PLEK: variants seen among roughly 807,000 people sequenced by gnomAD.
PLEK encodes the protein platelet 47 kDa protein.
PLEK carries 25 observed loss-of-function variants against 43.9 expected under a neutral mutation model. The ratio of observed to expected loss-of-function variants is 0.57; its 90% confidence interval spans 0.41 to 0.79. PLEK has a LOEUF of 0.79. Among genes scored for constraint, PLEK ranks in the 30% least tolerant of loss-of-function variants. The pLI is 0.00. For missense variants in PLEK, 396 were observed against 413.3 expected (o/e 0.96, Z 0.36); for synonymous variants, 152 against 144.4 (o/e 1.05, Z -0.38).
At position 68,395,714 on chromosome 2, in the gene PLEK, C is replaced by T. The variant is rs1185213028; in HGVS notation, c.951C>T (p.Ile317=). 1 of 1,614,006 alleles carries T rather than the reference C, an allele frequency of 6.2e-7. No individual in the cohort carries two copies. Among genetic ancestry groups the T allele is most frequent in the Non-Finnish European group, 8.5e-7 (1 of 1,179,906 alleles). The part of the protein sequence containing the change: ...RKSEEENLFE[I]ITADEVHYFL... ...GTGAGGAAGAGAACCTTTTTGAGAT[C>T]ATCACAGCAGATGAAGTGCACTATT... The change falls in exon 9 of 9, where the codon ATC becomes ATT. Residue 317 remains isoleucine (I), a synonymous_variant. Transcript: ENST00000234313.
intron 1 of PLEK, among the ~76,000 whole-genome samples, chr2:68,372,177 A>AT (rs57326035): frequency 0.51 from 75,312 of 148,312 alleles, 19,888 homozygotes; most frequent in East Asian, 0.76. Context: ...AGAGAAGTTC[A>AT]TTTTTTTTTT....
chr2:68,393,750 G>A (rs1451666152), intron 7 of PLEK, among the ~76,000 whole-genome samples: 1 of 152,158 alleles, frequency 6.6e-6, no homozygotes, highest in Admixed American at 6.5e-5. Flanking sequence ...CTTCCCCTGG[G>A]TGGTTATATT....
intron 3 of PLEK, among the ~76,000 whole-genome samples, 191 bp from the exon 4 acceptor site, chr2:68,382,351 T>G (rs1350652067): frequency 6.6e-6 from 1 of 152,160 alleles, no homozygotes; most frequent in Non-Finnish European, 1.5e-5. Flanking sequence ...GGCTACAGAG[T>G]TATGCAGATA....
chr2:68,382,630 A>C lies in PLEK; in HGVS notation c.469A>C (p.Thr157Pro). 6.3e-7 allele frequency: 1 copy of C among 1,576,802 alleles called. No homozygotes were observed. The highest frequency in any genetic ancestry group is 8.7e-7 in the Non-Finnish European group (1 of 1,146,296). Residue 157 changes from threonine (T) to proline (P), a missense_variant, in exon 4 of 9, where the codon ACA becomes CCA. By Grantham distance (38) the Thr-to-Pro change is conservative. Transcript: ENST00000234313. ...KDKKIFNHCF[T>P]GNCVIDWLVS... is the part of the protein sequence containing the mutation. ...CAAGAAGATTTTTAATCACTGCTTC[A>C]CAGGTAAAAGCACTTGCAGGCCTGA... is the stretch of plus-strand genomic sequence containing the variant.
At chr2:68,370,121 G>T (rs535598239) in intron 1 of PLEK, among the ~76,000 whole-genome samples, 101 of 152,348 alleles carry the variant, frequency 6.6e-4, no homozygotes, top group African/African-American at 2.2e-3. Context: ...GGGTGTGCAA[G>T]AATAGATAAT....
intron 4 of PLEK, among the ~76,000 whole-genome samples, chr2:68,385,479 C>T (rs1244749081): frequency 6.6e-6 from 1 of 152,188 alleles, no homozygotes; most frequent in Non-Finnish European, 1.5e-5. Flanking sequence ...CACATTATTT[C>T]CTATTTAAAA....
intron 1 of PLEK, among the ~76,000 whole-genome samples, chr2:68,367,062 T>C (rs1673289152): frequency 6.6e-6 from 1 of 152,196 alleles, no homozygotes; most frequent in Non-Finnish European, 1.5e-5. Flanking sequence ...TTTTAATTAG[T>C]GAGAGTAGTT....
At position 68,395,686 on chromosome 2, in the gene PLEK, A is replaced by G. The variant is rs1423590896; in HGVS notation, c.923A>G (p.Lys308Arg). Residue 308 changes from lysine to arginine, a missense_variant, in exon 9 of 9, where the codon AAG becomes AGG. Physicochemically the swap from Lys to Arg is conservative, Grantham distance 26. Coordinates refer to ENST00000234313, the MANE Select transcript of PLEK (RefSeq NM_002664.3). ...TSVESNSNGR[K>R]SEEENLFEII... ...TTGCCTTCTCTTTCCCCAGGCAGGA[A>G]GAGTGAGGAAGAGAACCTTTTTGAG... 2 of 1,613,990 alleles carry G rather than the reference A, an allele frequency of 1.2e-6. No individual in the cohort carries two copies. The highest frequency in any genetic ancestry group is 2.7e-5 in the African/African-American group (2 of 74,914).
At chr2:68,378,180 T>C (rs1673542283) in intron 1 of PLEK, among the ~76,000 whole-genome samples, 1 of 152,220 alleles carries the variant, frequency 6.6e-6, no homozygotes, top group African/African-American at 2.4e-5. Flanking sequence ...TGCTTTAAGA[T>C]GGAATTATTA....
intron 4 of PLEK, among the ~76,000 whole-genome samples, chr2:68,383,779 A>C (rs1036919689): frequency 6.6e-6 from 1 of 152,218 alleles, no homozygotes; most frequent in Admixed American, 6.5e-5. Context: ...ATCTAAGAGG[A>C]TGTGCCATCA....
chr2:68,371,011 C>T (rs990349726), intron 1 of PLEK, among the ~76,000 whole-genome samples: 3 of 152,032 alleles, frequency 2.0e-5, no homozygotes, highest in African/African-American at 7.2e-5. Flanking sequence ...TATTTTTTGG[C>T]TTTCAAGCAA....
At chr2:68,386,270 T>TGA (rs1181387829) in intron 4 of PLEK, among the ~76,000 whole-genome samples, 8 of 152,178 alleles carry the variant, frequency 5.3e-5, no homozygotes, top group Non-Finnish European at 8.8e-5. Flanking sequence ...GGTCATGTGT[T>TGA]TCTTCTTAAG....
In PLEK at chr2:68,396,167, C is replaced by G. The variant is rs1673960016; in HGVS notation, c.*351C>G. 5.1e-6 allele frequency: 1 copy of G among 197,918 alleles called. No homozygotes were observed. The highest frequency in any genetic ancestry group is 1.1e-5 in the Non-Finnish European group (1 of 94,982). The allele number at this position is 197,918 out of a possible 1,614,324, so 12.3% of individuals were successfully genotyped here. ...TAGCTTAAAAAAAAAAAAAATCTGC[C>G]CCATGATTCTAACACTCGCAGTAGT... On this transcript the variant is annotated 3_prime_UTR_variant, in exon 9 of 9. Coordinates refer to ENST00000234313, the MANE Select transcript of PLEK (RefSeq NM_002664.3).
Position 68,395,573 on chromosome 2 carries a change from T to C in PLEK, c.917-107T>C. The C allele has an allele frequency of 2.5e-6, 3 of 1,189,734 alleles. 1 individual carries two copies. The highest frequency in any genetic ancestry group is 2.5e-5 in the South Asian group (2 of 78,470). The allele number at this position is 1,189,734 out of a possible 1,614,324, so 73.7% of individuals were successfully genotyped here. Reference sequence around the variant, plus strand: ...ATGTTTGAAAGCCACATAGTCAATTTCCTTAGAACACGAAGAAAACAGAGA... The same window carrying C: ...ATGTTTGAAAGCCACATAGTCAATTCCCTTAGAACACGAAGAAAACAGAGA... On this transcript the variant is annotated intron_variant, in intron 8 of 8. Coordinates refer to ENST00000234313, the MANE Select transcript of PLEK (RefSeq NM_002664.3).
chr2:68,371,670 T>C (rs1673407402), intron 1 of PLEK, among the ~76,000 whole-genome samples: 1 of 152,182 alleles, frequency 6.6e-6, no homozygotes, highest in South Asian at 2.1e-4. Flanking sequence ...AGAGTTGGGA[T>C]TTGAGCCTGA....
intron 1 of PLEK, among the ~76,000 whole-genome samples, chr2:68,377,547 A>G (rs184352170): frequency 9.2e-5 from 14 of 152,278 alleles, no homozygotes; most frequent in Non-Finnish European, 2.1e-4. Flanking sequence ...TTTCATATGC[A>G]CACTTGCCAT....
At chr2:68,383,446 A>G (rs1673673689) in intron 4 of PLEK, among the ~76,000 whole-genome samples, 1 of 152,060 alleles carries the variant, frequency 6.6e-6, no homozygotes, top group Non-Finnish European at 1.5e-5. Flanking sequence ...TTAAATATTT[A>G]CAGGAGGATT....
intron 5 of PLEK, 90 bp downstream of exon 5, chr2:68,386,776 C>T (rs1368397022): frequency 2.0e-5 from 20 of 989,328 alleles, no homozygotes; most frequent in Admixed American, 1.3e-4. Context: ...ATCTATAGAG[C>T]GCTGTTAGGC....
rs369227888 is a variant in PLEK, at chr2:68,368,402, G to A, written c.42+3009G>A. ...GAGGTTCACAGAGAATAAGTGATTC[G>A]TCCACAGTGAAACATGTGGCAAGAG... On this transcript the variant is annotated intron_variant, in intron 1 of 8. Coordinates refer to ENST00000234313, the MANE Select transcript of PLEK (RefSeq NM_002664.3). 6.6e-5 allele frequency among the ~76,000 whole-genome samples: 10 copies of A among 152,176 alleles called. No individual in the cohort carries two copies. In the East Asian group the frequency reaches 1.3e-3, roughly 21 times the overall value.
Sources: allele counts gnomAD v4.1 joint callset (sites outside exome capture counted in the v4.1 genomes callset), GRCh38; gene constraint gnomAD v4.1.1; transcripts MANE v1.5; gene names NCBI Gene and HGNC (gene_info 2026-07-23, HGNC 2026-07-21).